ANO4: variants seen among roughly 807,000 people sequenced by gnomAD.
ANO4 encodes anoctamin-4.
Under a neutral mutation model 141.9 loss-of-function variants are expected in ANO4, and 69 were observed. The ratio of observed to expected loss-of-function variants is 0.49; its 90% CI spans 0.40 to 0.59. The LOEUF (loss-of-function observed/expected upper bound fraction) is 0.59, where lower values mean the gene tolerates loss of function less well. Among genes scored for constraint, ANO4 ranks in the 20% least tolerant of loss-of-function variants. The pLI, the probability that ANO4 is intolerant of heterozygous loss-of-function variation, is 0.00. For synonymous variants in ANO4, 350 were observed against 394.3 expected (o/e 0.89, Z 1.33); for missense variants, 894 against 1,162.2 (o/e 0.77, Z 3.36).
chr12:100,973,725 A>C (rs2044029507), intron 6 of ANO4, among the ~76,000 whole-genome samples: 1 of 152,242 alleles, frequency 6.6e-6, no homozygotes, highest in South Asian at 2.1e-4. Flanking sequence ...ACTAAAGTCC[A>C]TAGTTTACTC....
At chr12:100,972,504 A>G (rs1448706796) in intron 6 of ANO4, among the ~76,000 whole-genome samples, 2 of 152,182 alleles carry the variant, frequency 1.3e-5, no homozygotes, top group Non-Finnish European at 2.9e-5. Flanking sequence ...TAATAAATAT[A>G]GTTCTGATCT....
At chr12:100,905,117 T>C (rs888194486) in intron 2 of ANO4, among the ~76,000 whole-genome samples, 26 of 152,158 alleles carry the variant, frequency 1.7e-4, no homozygotes, top group African/African-American at 6.0e-4. Flanking sequence ...AGAAGTTTGA[T>C]TATAGATGTG....
At chr12:100,961,212 A>G (rs1192801517) in intron 5 of ANO4, among the ~76,000 whole-genome samples, 3 of 152,210 alleles carry the variant, frequency 2.0e-5, no homozygotes, top group Non-Finnish European at 4.4e-5. Flanking sequence ...TGTTTGCTGA[A>G]TGATTTTATG....
intron 3 of ANO4, among the ~76,000 whole-genome samples, chr12:100,748,018 C>T (rs1193665525): frequency 6.6e-6 from 1 of 152,082 alleles, no homozygotes; most frequent in Non-Finnish European, 1.5e-5. Flanking sequence ...ACCTGTGCAC[C>T]TAAGGTCTGA....
At chr12:100,825,769 A>T (rs1247629723) in intron 1 of ANO4, among the ~76,000 whole-genome samples, 1 of 152,232 alleles carries the variant, frequency 6.6e-6, no homozygotes, top group East Asian at 1.9e-4. Flanking sequence ...GATTAAAAAT[A>T]TTCCTGCATA....
chr12:100,788,757 G>C (rs1307054213), intron 3 of ANO4, among the ~76,000 whole-genome samples: 1 of 152,118 alleles, frequency 6.6e-6, no homozygotes, highest in East Asian at 1.9e-4. Flanking sequence ...TCAGTGAGGA[G>C]CACAGAAGAA....
At chr12:100,927,463 C>T (rs2041920367) in intron 3 of ANO4, among the ~76,000 whole-genome samples, 1 of 152,016 alleles carries the variant, frequency 6.6e-6, no homozygotes, top group African/African-American at 2.4e-5. Context: ...AAGAAAAACA[C>T]TGCTTTTTTA....
At chr12:101,119,542 G>C (rs2050996596) in intron 25 of ANO4, among the ~76,000 whole-genome samples, 1 of 152,086 alleles carries the variant, frequency 6.6e-6, no homozygotes, top group Admixed American at 6.5e-5. Flanking sequence ...AGTCACACTA[G>C]AGTCTATTAT....
At chr12:100,825,295 A>T (rs1400205676) in intron 1 of ANO4, among the ~76,000 whole-genome samples, 1 of 152,032 alleles carries the variant, frequency 6.6e-6, no homozygotes. Context: ...TGGAGAGCTA[A>T]TATTTATTGA....
chr12:100,794,365 A>G (rs1476980812), upstream of ANO4, among the ~76,000 whole-genome samples: 3 of 152,168 alleles, frequency 2.0e-5, no homozygotes, highest in Non-Finnish European at 2.9e-5. Context: ...GGATGCCTCA[A>G]AAACTTCCTG....
intron 9 of ANO4, among the ~76,000 whole-genome samples, chr12:101,031,821 T>C (rs1349627970): frequency 6.6e-6 from 1 of 152,086 alleles, no homozygotes; most frequent in Non-Finnish European, 1.5e-5. Flanking sequence ...ATGAATTAAT[T>C]CCCACTCACA....
chr12:101,043,590 A>G lies in ANO4; in HGVS notation c.1206A>G (p.Lys402=). Reference sequence around the variant, plus strand: ...TCATCATGTGTCCTGTGTGTGATAAATACTGTCCATTCATGAGGCTGTCAG... The same window carrying G: ...TCATCATGTGTCCTGTGTGTGATAAGTACTGTCCATTCATGAGGCTGTCAG... ...TDIIMCPVCD[K]YCPFMRLSDS... is the part of the protein sequence containing the mutation. Residue 402 remains lysine (K), a synonymous_variant, in exon 13 of 28, where the codon AAA becomes AAG. Transcript: ENST00000392977. 6.2e-7 allele frequency: 1 copy of G among 1,613,862 alleles called. No individual in the cohort carries two copies. The highest frequency in any genetic ancestry group is 8.5e-7 in the Non-Finnish European group (1 of 1,179,846).
chr12:101,075,732 T>TAG (rs1471120090), intron 14 of ANO4, among the ~76,000 whole-genome samples: 1 of 145,520 alleles, frequency 6.9e-6, no homozygotes, highest in Non-Finnish European at 1.5e-5. Flanking sequence ...TATATCTTTA[T>TAG]ATATATATAT....
chr12:100,865,540 C>A lies in ANO4; in HGVS notation c.-140-36106C>A, dbSNP rs1041825764. On this transcript the variant is annotated intron_variant, in intron 1 of 27. Transcript: ENST00000392977. ...CTCAAAAGGACATTTATGCGGCCAA[C>A]AAACATATGAAAAAAAGCTCATCAT... 2.0e-5 allele frequency among the ~76,000 whole-genome samples: 3 copies of A among 152,132 alleles called. No individual in the cohort carries two copies. In the East Asian group the frequency reaches 5.8e-4, roughly 29 times the overall value.
At chr12:101,067,859 G>T (rs1242562702) in intron 14 of ANO4, among the ~76,000 whole-genome samples, 1 of 152,168 alleles carries the variant, frequency 6.6e-6, no homozygotes, top group African/African-American at 2.4e-5. Flanking sequence ...AATTAGTACT[G>T]AAGCTTATAT....
chr12:100,891,975 T>G (rs922062372), intron 1 of ANO4, among the ~76,000 whole-genome samples: 5 of 152,216 alleles, frequency 3.3e-5, no homozygotes, highest in African/African-American at 1.2e-4. Context: ...AGTTCAAAAT[T>G]CCACAAATAA....
At position 100,721,238 on chromosome 12, in the gene ANO4, A is replaced by T. The variant is rs60312780; in HGVS notation, c.22+3691A>T. On this transcript the variant is annotated intron_variant, in intron 1 of 29. Transcript: ENST00000644049. Reference sequence around the variant, plus strand: ...GAGTATCTCCAACTACTGAGCTCTAACTATGTTCCAGGCTCTAGCCTTAAC... The same window carrying T: ...GAGTATCTCCAACTACTGAGCTCTATCTATGTTCCAGGCTCTAGCCTTAAC... 4.2e-3 allele frequency among the ~76,000 whole-genome samples: 646 copies of T among 152,334 alleles called. 13 individuals are homozygous for T. In the East Asian group the frequency reaches 0.056, roughly 13 times the overall value.
intron 3 of ANO4, among the ~76,000 whole-genome samples, chr12:100,767,179 G>C (rs895867664): frequency 6.6e-6 from 1 of 152,042 alleles, no homozygotes; most frequent in Non-Finnish European, 1.5e-5. Flanking sequence ...TTTTATTGAA[G>C]AATTTAATCC....
intron 8 of ANO4, among the ~76,000 whole-genome samples, chr12:101,017,422 A>G (rs1395283927): frequency 3.9e-5 from 6 of 152,206 alleles, no homozygotes; most frequent in East Asian, 1.9e-4. Context: ...GGACACAGCT[A>G]AACCATATCA....
Sources: allele counts gnomAD v4.1 joint callset (sites outside exome capture counted in the v4.1 genomes callset), GRCh38; gene constraint gnomAD v4.1.1; transcripts MANE v1.5; gene names NCBI Gene and HGNC (gene_info 2026-07-23, HGNC 2026-07-21).